The following ADAM12 variants were observed in gnomAD, a reference collection of about 807,000 sequenced individuals.
ADAM12 encodes the protein disintegrin and metalloproteinase domain-containing protein 12.
A neutral mutation model predicts 106.4 loss-of-function variants in ADAM12; 70 were observed. That is an observed-to-expected ratio of 0.66 (90% CI 0.54 to 0.80). The LOEUF is 0.80. Ranked by LOEUF, ADAM12 falls within the 30% of genes least tolerant of loss-of-function variation. The pLI, the probability that ADAM12 is intolerant of heterozygous loss-of-function variation, is 0.00. For synonymous variants in ADAM12, 420 were observed against 433.5 expected (o/e 0.97, Z 0.39); for missense variants, 1,010 against 1,171.9 (o/e 0.86, Z 2.02).
At chr10:126,156,731 T>C (rs768373933) in intron 3 of ADAM12, among the ~76,000 whole-genome samples, 8 of 152,168 alleles carry the variant, frequency 5.3e-5, no homozygotes, top group Non-Finnish European at 7.4e-5. Flanking sequence ...CGACAACTAC[T>C]GGGCCCTAAC....
intron 2 of ADAM12, among the ~76,000 whole-genome samples, chr10:126,330,021 G>A (rs886252732): frequency 6.6e-6 from 1 of 152,102 alleles, no homozygotes; most frequent in African/African-American, 2.4e-5. Context: ...TAAAACTCAT[G>A]ACAAATGGGT....
chr10:126,073,829 C>T (rs1184542110), intron 11 of ADAM12, among the ~76,000 whole-genome samples: 1 of 152,220 alleles, frequency 6.6e-6, no homozygotes, highest in Non-Finnish European at 1.5e-5. Context: ...CCCTGGCAGA[C>T]AGACTGGTTA....
intron 22 of ADAM12, among the ~76,000 whole-genome samples, chr10:126,019,367 A>C (rs538960796): frequency 1.3e-4 from 19 of 151,094 alleles, no homozygotes; most frequent in African/African-American, 4.6e-4. Context: ...CAGTCTTCAT[A>C]CTGTCATGCT....
At position 126,089,345 on chromosome 10, in the gene ADAM12, C is replaced by T. The variant is rs144608522; in HGVS notation, c.1145+4640G>A. Among the ~76,000 whole-genome samples the T allele has an allele frequency of 3.1e-3, 467 of 152,116 alleles. 4 individuals are homozygous for T. The highest frequency in any genetic ancestry group is 2.1e-3 in the Non-Finnish European group (141 of 67,974). ...CTGGAGAGGTGAGTGTGGAGCGTGGCGTGATGAGCACCGAGTGTGCTGGTG... is the reference window on the plus strand; with the variant it reads ...CTGGAGAGGTGAGTGTGGAGCGTGGTGTGATGAGCACCGAGTGTGCTGGTG... On this transcript the variant is annotated intron_variant, in intron 11 of 22. Transcript: ENST00000448723.
intron 1 of ADAM12, among the ~76,000 whole-genome samples, chr10:126,363,224 T>G (rs950583549): frequency 6.6e-6 from 1 of 152,148 alleles, no homozygotes; most frequent in African/African-American, 2.4e-5. Context: ...ACTGGTTCAA[T>G]AAGAAATAGC....
At chr10:126,107,553 A>G (rs1455922896) in intron 8 of ADAM12, among the ~76,000 whole-genome samples, 1 of 152,206 alleles carries the variant, frequency 6.6e-6, no homozygotes, top group African/African-American at 2.4e-5. Flanking sequence ...AGAGTGAGGC[A>G]CCCTCACAAA....
intron 2 of ADAM12, among the ~76,000 whole-genome samples, chr10:126,325,697 G>T (rs148477714): frequency 0.014 from 2,175 of 152,212 alleles, 28 homozygotes; most frequent in Non-Finnish European, 0.019. Context: ...GTCATCTCAC[G>T]ATCAATCACA....
intron 2 of ADAM12, among the ~76,000 whole-genome samples, chr10:126,303,172 C>T (rs959500337): frequency 1.5e-4 from 23 of 152,128 alleles, no homozygotes; most frequent in Non-Finnish European, 2.9e-4. Context: ...TGGGAAGCAT[C>T]GATATTCCTT....
At chr10:126,117,757 T>TTGG (rs1242693951) in intron 6 of ADAM12, among the ~76,000 whole-genome samples, 2 of 35,554 alleles carry the variant, frequency 5.6e-5, no homozygotes, top group Non-Finnish European at 9.5e-5. Context: ...GGGGTAGAAG[T>TTGG]TGGGGGGGCG....
chr10:126,114,668 T>A (rs771381524), intron 6 of ADAM12, among the ~76,000 whole-genome samples: 18 of 152,160 alleles, frequency 1.2e-4, no homozygotes, highest in Non-Finnish European at 2.1e-4. Context: ...TTCGTAGAGA[T>A]GGGGTTTCAC....
rs752002218 is a variant in ADAM12, at chr10:126,250,944, A to G, written c.260+27971T>C. Among the ~76,000 whole-genome samples the G allele has an allele frequency of 5.3e-5, 8 of 152,342 alleles. No individual in the cohort carries two copies. In the East Asian group the frequency reaches 1.5e-3, roughly 29 times the overall value. The stretch of plus-strand genomic sequence containing the variant: ...TTCCAATTTATAATTGTTAATATGC[A>G]ACGGCTGATTTTTCAGCTCTTATGA... On this transcript the variant is annotated intron_variant, in intron 3 of 22. Coordinates refer to ENST00000448723, the MANE Select transcript of ADAM12 (RefSeq NM_001288973.2).
At chr10:126,322,930 T>C (rs890664185) in intron 2 of ADAM12, among the ~76,000 whole-genome samples, 3 of 151,966 alleles carry the variant, frequency 2.0e-5, no homozygotes, top group Admixed American at 6.5e-5. Flanking sequence ...GGTGCAGGAG[T>C]TGGGGCCTCC....
chr10:126,146,626 C>T (rs1490623851), intron 4 of ADAM12, among the ~76,000 whole-genome samples: 2 of 152,210 alleles, frequency 1.3e-5, no homozygotes, highest in Non-Finnish European at 2.9e-5. Flanking sequence ...ACAAAGCTTT[C>T]TTCAGCACAC....
At chr10:126,113,086 C>T (rs1181968116) in intron 6 of ADAM12, among the ~76,000 whole-genome samples, 3 of 152,122 alleles carry the variant, frequency 2.0e-5, no homozygotes, top group Non-Finnish European at 4.4e-5. Flanking sequence ...GGGCAGTGGG[C>T]AGGCCAAAGG....
At chr10:126,210,848 A>G (rs1032109201) in intron 3 of ADAM12, among the ~76,000 whole-genome samples, 4 of 152,220 alleles carry the variant, frequency 2.6e-5, no homozygotes, top group African/African-American at 7.2e-5. Flanking sequence ...AGTCTGGCAG[A>G]CTAGGAAATC....
chr10:126,152,910 A>G (rs2133717149), intron 4 of ADAM12, among the ~76,000 whole-genome samples: 1 of 152,270 alleles, frequency 6.6e-6, no homozygotes, highest in Admixed American at 6.5e-5. Context: ...TTCTTAAACC[A>G]TTTTAAATCT....
chr10:126,175,567 G>T (rs1310086730), intron 3 of ADAM12, among the ~76,000 whole-genome samples: 43 of 152,150 alleles, frequency 2.8e-4, no homozygotes, highest in Non-Finnish European at 4.4e-5. Context: ...GCCTATACAT[G>T]CCCTACATTT....
chr10:126,102,283 A>T (rs1410624620), intron 8 of ADAM12, among the ~76,000 whole-genome samples: 3 of 152,154 alleles, frequency 2.0e-5, no homozygotes, highest in Non-Finnish European at 2.9e-5. Context: ...CCCCTAGTGT[A>T]TGAGGCAGCA....
chr10:126,210,391 C>T (rs1422429985), intron 3 of ADAM12, among the ~76,000 whole-genome samples: 1 of 152,202 alleles, frequency 6.6e-6, no homozygotes, highest in Non-Finnish European at 1.5e-5. Context: ...CTGCTCTGGA[C>T]ATCAGCCCCG....
Sources: gnomAD v4.1 joint callset for allele counts (sites outside exome capture counted in the v4.1 genomes callset) on GRCh38, gnomAD v4.1.1 for gene constraint, MANE v1.5 for transcripts, NCBI Gene and HGNC (gene_info 2026-07-23, HGNC 2026-07-21) for gene names.